Variants in TTN observed in about 807,000 individuals in gnomAD.
The protein encoded by TTN is connectin.
TTN carries 1,525 observed loss-of-function variants against 3,223.0 expected under a neutral mutation model. That is an observed-to-expected ratio of 0.47 (90% CI 0.45 to 0.49). TTN has a LOEUF of 0.49. TTN is among the 20% of genes least tolerant of loss of function. The pLI is 0.00. For missense variants in TTN, 40,786 were observed against 43,424.0 expected, an observed-to-expected ratio of 0.94 and a Z score of 5.40; for synonymous variants, 14,094 against 15,161.0, an observed-to-expected ratio of 0.93 and a Z score of 5.17.
At chr2:178,616,697 T>A (rs1359928814) in intron 256 of TTN, 32 bp downstream of exon 256, 1 of 1,611,908 alleles carries the variant, frequency 6.2e-7, no homozygotes, top group South Asian at 1.1e-5. Flanking sequence ...TACTGCCAAA[T>A]CACCTTAGAT....
At chr2:178,777,385 G>A (rs1057164934) in intron 26 of TTN, 35 bp downstream of exon 26, 1 of 1,611,286 alleles carries the variant, frequency 6.2e-7, no homozygotes, top group South Asian at 1.1e-5. Context: ...CAAGTGATAA[G>A]AAAATTCATT....
chr2:178,734,919 T>G lies in TTN; in HGVS notation c.15005A>C (p.His5002Pro). 6.2e-7 allele frequency: 1 copy of G among 1,612,254 alleles called. No homozygotes were observed. Among genetic ancestry groups the G allele is most frequent in the South Asian group, 1.1e-5 (1 of 90,936 alleles). ...CACAGGTGAGCCTTTCAGCTTGCAA[T>G]GGAGGCGTGCTGATTCACCTGGGAG... ...LMLPGESARLHCKLKGSPVIQ... is the reference protein window; with the variant it reads ...LMLPGESARLPCKLKGSPVIQ... Residue 5002 changes from histidine to proline, a missense_variant, in exon 51 of 363, where the codon CAT becomes CCT. Physicochemically the swap from His to Pro is moderately conservative, Grantham distance 77. Coordinates refer to ENST00000589042, the MANE Select transcript of TTN (RefSeq NM_001267550.2).
chr2:178,800,346 C>T (rs1296034523), intron 4 of TTN, 49 bp downstream of exon 4: 55 of 1,612,350 alleles, frequency 3.4e-5, no homozygotes, highest in Non-Finnish European at 4.7e-5. Flanking sequence ...CATTTAGACA[C>T]AAACCAGCTC....
rs1217503879 is a variant in TTN at position 178,684,075 on chromosome 2, C to T, written c.32730G>A (p.Glu10910=). Residue 10910 remains glutamate, a synonymous_variant, in exon 133 of 363, where the codon GAG becomes GAA. Transcript: ENST00000589042. ...CTTCTGGGACAGCTCTCTTCGGTTC[C>T]TCTGGCACTTTAAAGAGAGATTTCA... ...KEAPPKARVP[E]EPKRAVPEEK... 2 of 1,611,586 alleles carry T rather than the reference C, an allele frequency of 1.2e-6. No homozygotes were observed. The highest frequency in any genetic ancestry group is 1.7e-5 in the Admixed American group (1 of 59,752).
Position 178,587,314 on chromosome 2 carries a change from T to C in TTN, c.63897A>G (p.Thr21299=). The C allele has an allele frequency of 1.9e-6, 3 of 1,612,840 alleles. No individual in the cohort carries two copies. Among genetic ancestry groups the C allele is most frequent in the Non-Finnish European group, 2.5e-6 (3 of 1,179,418 alleles). ...PPENDGGSQV[T]HYIVEKREAD... ...CCTCACGTTTCTCCACGATATAATG[T>C]GTCACTTGGCTCCCACCGTCGTTTT... The change falls in exon 307 of 363, where the codon ACA becomes ACG. Residue 21299 remains threonine (T), a synonymous_variant. Coordinates refer to ENST00000589042, the MANE Select transcript of TTN (RefSeq NM_001267550.2).
intron 168 of TTN, 131 bp downstream of exon 168, chr2:178,664,329 C>T (rs1250874798): frequency 1.2e-6 from 1 of 820,304 alleles, no homozygotes; most frequent in South Asian, 1.8e-5. Context: ...AATACATTTA[C>T]ACTTGAGTTG....
chr2:178,558,712 CAAAAG>C, intron 326 of TTN, 75 bp from the exon 327 acceptor site: 1 of 1,432,686 alleles, frequency 7.0e-7, no homozygotes, highest in Non-Finnish European at 9.3e-7. Context: ...CATGTATTGT[CAAAAG>C]AAAACTTTTA....
Position 178,549,720 on chromosome 2 carries a change from C to T in TTN, c.92002G>A (p.Ala30668Thr). The T allele has an allele frequency of 6.2e-7, 1 of 1,613,678 alleles. No homozygotes were observed. Among genetic ancestry groups the T allele is most frequent in the Non-Finnish European group, 8.5e-7 (1 of 1,179,730 alleles). The change falls in exon 338 of 363, where the codon GCA (alanine) becomes ACA (threonine). Residue 30668 changes from alanine (A) to threonine (T), a missense_variant. Physicochemically the swap from Ala to Thr is moderately conservative, Grantham distance 58 (BLOSUM62 0). Coordinates refer to ENST00000589042, the MANE Select transcript of TTN (RefSeq NM_001267550.2). ...EKRETSRLAW[A>T]LIEDKCEAQS... ...GCTTCACATTTATCCTCAATTAGTG[C>T]CCAGGCAAGTCTGCTGGTTTCCCGT...
rs2049306666 is a variant in TTN, at chr2:178,587,571, T to G, written c.63738A>C (p.Leu21246Phe). 6.2e-7 allele frequency: 1 copy of G among 1,612,284 alleles called. No homozygotes were observed. The highest frequency in any genetic ancestry group is 1.7e-5 in the Admixed American group (1 of 59,864). The change falls in exon 306 of 363, where the codon TTA becomes TTC. Residue 21246 changes from leucine to phenylalanine, a missense_variant. Coordinates refer to ENST00000589042, the MANE Select transcript of TTN (RefSeq NM_001267550.2). ...STRDDSGKYS[L>F]TLVNPAGEKA... ...TTTCTCCTGCTGGGTTCACAAGTGT[T>G]AAGGAATATTTTCCTGAGTCATCAC...
At chr2:178,616,345 A>G (rs1174472131) in intron 257 of TTN, 134 bp downstream of exon 257, 17 of 1,233,238 alleles carry the variant, frequency 1.4e-5, no homozygotes, top group Non-Finnish European at 1.7e-5. Context: ...TGCATTCTTA[A>G]AAAGTTTTTG....
chr2:178,733,314 C>G lies in TTN; in HGVS notation c.15979G>C (p.Asp5327His). 2 of 1,613,760 alleles carry G rather than the reference C, an allele frequency of 1.2e-6. No individual in the cohort carries two copies. The highest frequency in any genetic ancestry group is 1.7e-6 in the Non-Finnish European group (2 of 1,179,746). Reference protein sequence around the residue: ...QLKFYSAELHDSGQYTFEISN... With the variant: ...QLKFYSAELHHSGQYTFEISN... ...ATCTCAAATGTGTATTGGCCACTGT[C>G]GTGCAGCTCAGCTGAATAAAATTTG... The change falls in exon 54 of 363, where the codon GAC becomes CAC. Residue 5327 changes from aspartate (D) to histidine (H), a missense_variant. Transcript: ENST00000589042.
At position 178,609,494 on chromosome 2, in the gene TTN, A is replaced by G. The variant is rs1278450390; in HGVS notation, c.51816T>C (p.Ser17272=). ...ATGTAATAGTTGGGTAAGGTGATCC[A>G]GAAATACTTGCATCAAGTGCTATTT... ...GDEIALDASI[S]GSPYPTITWI... Residue 17272 remains serine (S), a synonymous_variant, in exon 273 of 363, where the codon TCT becomes TCC. Coordinates refer to ENST00000589042, the MANE Select transcript of TTN (RefSeq NM_001267550.2). 6.2e-7 allele frequency: 1 copy of G among 1,612,548 alleles called. No homozygotes were observed. Among genetic ancestry groups the G allele is most frequent in the Non-Finnish European group, 8.5e-7 (1 of 1,179,150 alleles).
chr2:178,629,846 C>T (rs1414308655), intron 239 of TTN, among the ~76,000 whole-genome samples: 1 of 152,112 alleles, frequency 6.6e-6, no homozygotes, highest in Non-Finnish European at 1.5e-5. Context: ...TAGCCTAATG[C>T]TTCCCACCTT....
Position 178,608,274 on chromosome 2 carries a change from C to T in TTN, c.52609G>A (p.Gly17537Arg), listed in dbSNP as rs370766845. 1.2e-6 allele frequency: 2 copies of T among 1,611,762 alleles called. No individual in the cohort carries two copies. Among genetic ancestry groups the T allele is most frequent in the African/African-American group, 1.3e-5 (1 of 74,940 alleles). ...CATACTCTGAAGACATAGGTGAGTC[C>T]TTCTAATAAGCCATCTACATTGGCT... ...LKANVDGLLE[G>R]LTYVFRVCAE... The change falls in exon 275 of 363, where the codon GGA (glycine) becomes AGA (arginine). Residue 17537 changes from glycine (G) to arginine (R), a missense_variant. By Grantham distance (125) the Gly-to-Arg change is moderately radical. Transcript: ENST00000589042.
At chr2:178,750,054 G>A in intron 47 of TTN, 1 of 1,613,204 alleles carries the variant, frequency 6.2e-7, no homozygotes, top group Non-Finnish European at 8.5e-7. Context: ...TCTTTATCCT[G>A]TTCTGGGATA....
In TTN at chr2:178,581,586, A is replaced by G. The variant is rs1170889599; in HGVS notation, c.66682T>C (p.Tyr22228His). The G allele has an allele frequency of 6.2e-7, 1 of 1,612,450 alleles. No homozygotes were observed. Among genetic ancestry groups the G allele is most frequent in the East Asian group, 2.2e-5 (1 of 44,650 alleles). The change falls in exon 316 of 363, where the codon TAT becomes CAT. Residue 22228 changes from tyrosine (Y) to histidine (H), a missense_variant. Physicochemically the swap from Tyr to His is moderately conservative, Grantham distance 83. Transcript: ENST00000589042. ...TTAACGGCATACACACGGAATTGATATTGTGTGTCTTCCATCAGGCCAGTA... is the reference window on the plus strand; with the variant it reads ...TTAACGGCATACACACGGAATTGATGTTGTGTGTCTTCCATCAGGCCAGTA... ...EVTGLMEDTQYQFRVYAVNKI... is the reference protein window; with the variant it reads ...EVTGLMEDTQHQFRVYAVNKI...
intron 117 of TTN, 146 bp from the exon 118 acceptor site, chr2:178,694,154 A>C: frequency 1.6e-6 from 1 of 606,984 alleles, no homozygotes; most frequent in African/African-American, 1.9e-5. Flanking sequence ...TTGACAAGAA[A>C]ACAAATCATG....
At chr2:178,791,902 T>G (rs1410440614) in intron 10 of TTN, among the ~76,000 whole-genome samples, 170 bp downstream of exon 10, 1 of 152,132 alleles carries the variant, frequency 6.6e-6, no homozygotes, top group Non-Finnish European at 1.5e-5. Context: ...AATAGTGCAA[T>G]GTGAACATAA....
rs370058135 is a variant in TTN, at chr2:178,774,933, G to T, written c.6778C>A (p.Leu2260Ile). ...CGTTGTTGAATACCTTCAACAATAA[G>T]TTTAGCAGTCGTTTTGACATTTTCA... The part of the protein sequence containing the change: ...EDENVKTTAK[L>I]IVEGAVVEFV... The change falls in exon 29 of 363, where the codon CTT becomes ATT. Residue 2260 changes from leucine (L) to isoleucine (I), a missense_variant. By Grantham distance (5) the Leu-to-Ile change is conservative (BLOSUM62 2). Coordinates refer to ENST00000589042, the MANE Select transcript of TTN (RefSeq NM_001267550.2). The T allele has an allele frequency of 4.3e-6, 7 of 1,613,764 alleles. No individual in the cohort carries two copies. Among genetic ancestry groups the T allele is most frequent in the Non-Finnish European group, 5.9e-6 (7 of 1,179,870 alleles).
Sources: gnomAD v4.1 joint callset for allele counts (sites outside exome capture counted in the v4.1 genomes callset) on GRCh38, gnomAD v4.1.1 for gene constraint, MANE v1.5 for transcripts, NCBI Gene and HGNC (gene_info 2026-07-23, HGNC 2026-07-21) for gene names.